The following RNF144A variants were observed in gnomAD, a reference collection of about 807,000 sequenced individuals.
The protein encoded by RNF144A is E3 ubiquitin-protein ligase RNF144A.
RNF144A carries 11 observed loss-of-function variants against 38.7 expected under a neutral mutation model. The ratio of observed to expected loss-of-function variants is 0.28; its 90% CI spans 0.18 to 0.47. The LOEUF (loss-of-function observed/expected upper bound fraction) is 0.47. RNF144A is among the 20% of genes least tolerant of loss of function. The pLI is 0.99. For missense variants in RNF144A, 316 were observed against 377.2 expected, an observed-to-expected ratio of 0.84 and a Z score of 1.34; for synonymous variants, 149 against 143.9, an observed-to-expected ratio of 1.04 and a Z score of -0.25.
Position 7,041,308 on chromosome 2 carries a change from C to T in RNF144A, c.*1548C>T. ...AGTCTCAGGTCCTAGTTTACTTTCC[C>T]TGGTTGGAAATTTATTTCTTATTTC... On this transcript the variant is annotated 3_prime_UTR_variant, in exon 9 of 9. Coordinates refer to ENST00000320892, the MANE Select transcript of RNF144A (RefSeq NM_014746.6). 1 of 985,790 alleles carries T rather than the reference C, an allele frequency of 1.0e-6. No individual in the cohort carries two copies. Among genetic ancestry groups the T allele is most frequent in the Non-Finnish European group, 1.2e-6 (1 of 829,938 alleles). 61.1% of individuals were successfully genotyped at this position (985,790 alleles called of 1,614,324 possible).
chr2:7,005,061 T>G (rs555657997), intron 3 of RNF144A, among the ~76,000 whole-genome samples: 17 of 152,370 alleles, frequency 1.1e-4, no homozygotes, highest in African/African-American at 4.1e-4. Context: ...GTGAGATGTA[T>G]CTAAGAAATC....
intron 1 of RNF144A, among the ~76,000 whole-genome samples, chr2:6,934,403 C>T (rs1264779567): frequency 6.6e-6 from 1 of 152,098 alleles, no homozygotes; most frequent in Non-Finnish European, 1.5e-5. Context: ...TTCTTCATTA[C>T]ATGTAATGAG....
the RNF144A span, among the ~76,000 whole-genome samples, chr2:7,073,751 T>C: frequency 6.6e-6 from 1 of 152,374 alleles, no homozygotes; most frequent in Non-Finnish European, 1.5e-5. Context: ...TTACATCTTA[T>C]TTAATCCATA....
At chr2:7,074,177 G>T in the RNF144A span, among the ~76,000 whole-genome samples, 1 of 152,174 alleles carries the variant, frequency 6.6e-6, no homozygotes, top group Admixed American at 6.5e-5. Context: ...TCAGGAATTT[G>T]GCAGCTTGTG....
intron 1 of RNF144A, chr2:6,918,621 G>A (rs1344952453): frequency 6.6e-6 from 1 of 151,364 alleles, no homozygotes; most frequent in Admixed American, 6.6e-5. Flanking sequence ...AAAATTAGCC[G>A]GGCGCAGTGG....
intron 3 of RNF144A, among the ~76,000 whole-genome samples, chr2:7,007,585 C>T (rs1317746213): frequency 1.3e-5 from 2 of 152,192 alleles, no homozygotes; most frequent in African/African-American, 4.8e-5. Flanking sequence ...AGTACACTTG[C>T]CAAGCCACAA....
At chr2:6,950,217 C>T (rs942069619) in intron 2 of RNF144A, among the ~76,000 whole-genome samples, 4 of 152,202 alleles carry the variant, frequency 2.6e-5, no homozygotes, top group African/African-American at 7.2e-5. Flanking sequence ...CACCTTTCCC[C>T]TGAGCTACCT....
At chr2:6,942,288 A>C (rs536280614) in intron 2 of RNF144A, among the ~76,000 whole-genome samples, 1 of 149,502 alleles carries the variant, frequency 6.7e-6, no homozygotes, top group East Asian at 1.9e-4. Flanking sequence ...GCGGAGGACA[A>C]GGCTAGAGTC....
intron 6 of RNF144A, among the ~76,000 whole-genome samples, chr2:7,022,188 A>G (rs1671580195): frequency 6.6e-6 from 1 of 152,226 alleles, no homozygotes; most frequent in African/African-American, 2.4e-5. Context: ...GTCAGCTGCC[A>G]TTTATAACTG....
intron 6 of RNF144A, among the ~76,000 whole-genome samples, chr2:7,060,873 G>A (rs953332124): frequency 6.6e-6 from 1 of 152,196 alleles, no homozygotes; most frequent in East Asian, 1.9e-4. Flanking sequence ...TCAGCATGCC[G>A]GCACTTGTGT....
chr2:6,996,248 A>C (rs763974373), intron 2 of RNF144A, among the ~76,000 whole-genome samples: 2 of 152,230 alleles, frequency 1.3e-5, no homozygotes, highest in African/African-American at 2.4e-5. Context: ...CCACGTCTTT[A>C]ACACTGGAGA....
At chr2:6,964,857 T>C (rs533278934) in intron 2 of RNF144A, among the ~76,000 whole-genome samples, 1 of 152,068 alleles carries the variant, frequency 6.6e-6, no homozygotes, top group South Asian at 2.1e-4. Context: ...TTAGGAGATA[T>C]ACCTAATGCT....
intron 6 of RNF144A, among the ~76,000 whole-genome samples, chr2:7,023,890 G>A (rs1036002433): frequency 1.3e-5 from 2 of 152,184 alleles, no homozygotes; most frequent in Non-Finnish European, 2.9e-5. Flanking sequence ...GAGCCAGGTG[G>A]ATCTATCTCA....
At chr2:6,921,631 G>A (rs1664546482) in intron 1 of RNF144A, among the ~76,000 whole-genome samples, 1 of 152,226 alleles carries the variant, frequency 6.6e-6, no homozygotes, top group Non-Finnish European at 1.5e-5. Context: ...ACCTTGAGGA[G>A]GCTGTAGTCT....
intron 2 of RNF144A, among the ~76,000 whole-genome samples, chr2:6,990,385 TACACACACACACACACACACACACAC>T (rs60196595): frequency 1.6e-5 from 2 of 123,894 alleles, no homozygotes; most frequent in South Asian, 5.5e-4. Context: ...TATATATATT[TACACACACACACACACACACACACAC>T]ACACACACAC....
At chr2:6,947,586 T>A (rs1013173462) in intron 2 of RNF144A, among the ~76,000 whole-genome samples, 1 of 152,230 alleles carries the variant, frequency 6.6e-6, no homozygotes, top group African/African-American at 2.4e-5. Flanking sequence ...ATTGACTTAT[T>A]TTTTAAAAGG....
intron 2 of RNF144A, among the ~76,000 whole-genome samples, chr2:6,988,105 T>G (rs868092246): frequency 1.3e-5 from 2 of 152,206 alleles, no homozygotes; most frequent in Admixed American, 6.5e-5. Context: ...AAACTTTTAT[T>G]TTAGGGCAGT....
chr2:6,979,260 C>A (rs546298766), intron 2 of RNF144A, among the ~76,000 whole-genome samples: 1 of 152,272 alleles, frequency 6.6e-6, no homozygotes, highest in African/African-American at 2.4e-5. Context: ...ACGTGGACTT[C>A]CTCACAGGGA....
intron 5 of RNF144A, 119 bp downstream of exon 5, chr2:7,014,891 A>T: frequency 1.4e-6 from 1 of 721,540 alleles, no homozygotes; most frequent in Non-Finnish European, 2.4e-6. Flanking sequence ...TAAAAAGTTG[A>T]TGTAAAATAA....
Sources: allele counts gnomAD v4.1 joint callset (sites outside exome capture counted in the v4.1 genomes callset), GRCh38; gene constraint gnomAD v4.1.1; transcripts MANE v1.5; gene names NCBI Gene and HGNC (gene_info 2026-07-23, HGNC 2026-07-21).